The following PPP1R42 variants were observed in gnomAD, a reference collection of about 807,000 sequenced individuals.
PPP1R42 encodes the protein leucine rich repeat containing 67.
PPP1R42 carries 34 observed loss-of-function variants against 31.0 expected under a neutral mutation model. That is an observed-to-expected ratio of 1.10 (90% CI 0.83 to 1.46). PPP1R42 has a LOEUF of 1.46. Ranked by LOEUF, PPP1R42 falls within the 40% of genes most tolerant of loss-of-function variation. The pLI is 0.00. For missense variants in PPP1R42, 268 were observed against 303.0 expected (o/e 0.88, Z 0.86); for synonymous variants, 103 against 109.8 (o/e 0.94, Z 0.39).
At chr8:66,991,532 A>G (rs147374401) in intron 5 of PPP1R42, among the ~76,000 whole-genome samples, 11 of 152,266 alleles carry the variant, frequency 7.2e-5, no homozygotes, top group Admixed American at 2.0e-4. Context: ...TCAGTGGTTG[A>G]CCTTGCCACC....
chr8:66,976,724 C>T (rs141794998), intron 7 of PPP1R42, among the ~76,000 whole-genome samples: 13 of 151,686 alleles, frequency 8.6e-5, no homozygotes, highest in Admixed American at 2.0e-4. Flanking sequence ...CGCGTTGTTG[C>T]GAATAACAGG....
At chr8:67,018,346 G>A (rs1480813960) in intron 1 of PPP1R42, among the ~76,000 whole-genome samples, 1 of 151,830 alleles carries the variant, frequency 6.6e-6, no homozygotes, top group Admixed American at 6.6e-5. Context: ...TCGAACTCCT[G>A]AGCTCAGGCA....
At chr8:66,984,125 CAGT>C in intron 6 of PPP1R42, 1 of 1,586,168 alleles carries the variant, frequency 6.3e-7, no homozygotes, top group Non-Finnish European at 8.6e-7. Context: ...CAAGGGCTTG[CAGT>C]AGTCTCAATC....
At chr8:66,976,519 A>G (rs1395334041) in intron 7 of PPP1R42, among the ~76,000 whole-genome samples, 1 of 152,074 alleles carries the variant, frequency 6.6e-6, no homozygotes, top group Non-Finnish European at 1.5e-5. Context: ...AACCTTTACC[A>G]AATCTCTCTC....
chr8:67,021,659 T>G (rs1355631936), intron 1 of PPP1R42, among the ~76,000 whole-genome samples: 1 of 152,112 alleles, frequency 6.6e-6, no homozygotes, highest in Admixed American at 6.6e-5. Flanking sequence ...TTGAAACCCC[T>G]CTATACCTTT....
At chr8:67,010,013 A>G (rs1815797269) in intron 5 of PPP1R42, among the ~76,000 whole-genome samples, 1 of 152,108 alleles carries the variant, frequency 6.6e-6, no homozygotes, top group Non-Finnish European at 1.5e-5. Flanking sequence ...CAATGGCTCA[A>G]CTCATGGATG....
intron 4 of PPP1R42, among the ~76,000 whole-genome samples, chr8:67,011,845 G>A (rs1008628941): frequency 1.6e-4 from 25 of 152,058 alleles, no homozygotes; most frequent in African/African-American, 5.8e-4. Flanking sequence ...AAAAAACATG[G>A]AGGCATCCAT....
At chr8:67,003,963 G>GA (rs1815592154) in intron 5 of PPP1R42, among the ~76,000 whole-genome samples, 1 of 152,092 alleles carries the variant, frequency 6.6e-6, no homozygotes, top group African/African-American at 2.4e-5. Context: ...GGTGGCGGGC[G>GA]CCTGTAGTCC....
intron 5 of PPP1R42, among the ~76,000 whole-genome samples, chr8:66,998,669 G>A (rs1815400184): frequency 6.6e-6 from 1 of 152,176 alleles, no homozygotes; most frequent in Non-Finnish European, 1.5e-5. Context: ...CATTAAGTAT[G>A]TTGTTATGTA....
At chr8:67,011,399 C>A (rs965931627) in intron 4 of PPP1R42, among the ~76,000 whole-genome samples, 10 of 152,080 alleles carry the variant, frequency 6.6e-5, no homozygotes, top group Admixed American at 3.9e-4. Flanking sequence ...TGGTGCCACA[C>A]GCCTGTAGTC....
chr8:66,971,341 C>G (rs986510396), intron 7 of PPP1R42, among the ~76,000 whole-genome samples: 1 of 152,130 alleles, frequency 6.6e-6, no homozygotes, highest in African/African-American at 2.4e-5. Context: ...AGTTCATGAT[C>G]AACTCTTAAA....
In PPP1R42 at chr8:67,014,445, A is replaced by G. The variant is rs754683953; in HGVS notation, c.277T>C (p.Leu93=). The G allele has an allele frequency of 6.6e-7, 1 of 1,513,430 alleles. No individual in the cohort carries two copies. The highest frequency in any genetic ancestry group is 8.8e-7 in the Non-Finnish European group (1 of 1,135,648). 93.8% of individuals were successfully genotyped at this position (1,513,430 alleles called of 1,614,324 possible). A position where few individuals can be genotyped will look rare whatever the true frequency, so the allele number is the denominator to read the frequency against. The change falls in exon 3 of 8, where the codon TTA becomes CTA. Residue 93 remains leucine (L), a synonymous_variant. Coordinates refer to ENST00000685739, the MANE Select transcript of PPP1R42 (RefSeq NM_001364910.1). The stretch of plus-strand genomic sequence containing the variant: ...ACTTACAGTTTTTCCAGTTTCTTTA[A>G]TGACCTGAGGTTCTCTATACATGAA... ...CISCIENLRS[L]KKLEKLYLGG...
intron 5 of PPP1R42, among the ~76,000 whole-genome samples, chr8:66,991,161 A>C (rs1350119634): frequency 6.6e-6 from 1 of 152,174 alleles, no homozygotes; most frequent in Non-Finnish European, 1.5e-5. Context: ...CAGACTTAAA[A>C]ACTATAGGTA....
chr8:66,985,291 CA>C (rs1477584900), intron 6 of PPP1R42: 16 of 890,748 alleles, frequency 1.8e-5, no homozygotes, highest in East Asian at 1.4e-4. Context: ...GACTCGGGGT[CA>C]AAAAAGGTAT....
chr8:66,970,984 A>G, intron 7 of PPP1R42: 1 of 1,519,030 alleles, frequency 6.6e-7, no homozygotes. Flanking sequence ...AACCTACCCC[A>G]TCTCTTAAAT....
At chr8:66,977,534 C>G (rs188783160) in intron 7 of PPP1R42, among the ~76,000 whole-genome samples, 3 of 152,062 alleles carry the variant, frequency 2.0e-5, no homozygotes, top group Non-Finnish European at 4.4e-5. Context: ...TAGATGGAGT[C>G]TCGCTCTGTT....
chr8:66,982,761 C>A (rs960631794), intron 6 of PPP1R42, among the ~76,000 whole-genome samples: 3 of 151,806 alleles, frequency 2.0e-5, no homozygotes, highest in Non-Finnish European at 4.4e-5. Flanking sequence ...CCTGACCATA[C>A]CCCTTATTAT....
chr8:67,015,933 A>G (rs898309885), intron 2 of PPP1R42, among the ~76,000 whole-genome samples: 7 of 152,356 alleles, frequency 4.6e-5, no homozygotes, highest in Non-Finnish European at 7.3e-5. Flanking sequence ...AGTGTGAATT[A>G]CTTTAACCAA....
At chr8:66,965,444 CTTTTTT>C (rs113305646) in intron 7 of PPP1R42, among the ~76,000 whole-genome samples, 7 of 139,218 alleles carry the variant, frequency 5.0e-5, no homozygotes, top group African/African-American at 1.8e-4. Flanking sequence ...CTTCTTTTTT[CTTTTTT>C]TTTTTTTGGA....
Sources: allele counts gnomAD v4.1 joint callset (sites outside exome capture counted in the v4.1 genomes callset), GRCh38; gene constraint gnomAD v4.1.1; transcripts MANE v1.5; gene names NCBI Gene and HGNC (gene_info 2026-07-23, HGNC 2026-07-21).